Variants in DYNC2I2 observed in about 807,000 individuals in gnomAD.
The protein encoded by DYNC2I2 is dynein 2 intermediate chain 2.
DYNC2I2 carries 39 observed loss-of-function variants against 52.0 expected under a neutral mutation model. The observed-to-expected ratio is 0.75, with a 90% CI of 0.58 to 0.98. The LOEUF is 0.98. Among genes scored for constraint, DYNC2I2 ranks in the 50% least tolerant of loss-of-function variants. The pLI is 0.00. For missense variants in DYNC2I2, 743 were observed against 728.4 expected, an observed-to-expected ratio of 1.02 and a Z score of -0.23; for synonymous variants, 359 against 321.1, an observed-to-expected ratio of 1.12 and a Z score of -1.26.
chr9:128,640,262 G>A (rs979758734), intron 2 of DYNC2I2, among the ~76,000 whole-genome samples: 3 of 151,760 alleles, frequency 2.0e-5, no homozygotes, highest in Non-Finnish European at 4.4e-5. Context: ...CGCCCGCCTC[G>A]GCCTCCCAAA....
At chr9:128,684,242 T>C in the DYNC2I2 span, among the ~76,000 whole-genome samples, 1 of 152,076 alleles carries the variant, frequency 6.6e-6, no homozygotes, top group Non-Finnish European at 1.5e-5. Flanking sequence ...TGAGCTTGTC[T>C]CCCCAGCCCC....
the DYNC2I2 span, chr9:128,684,062 T>A: frequency 1.4e-6 from 2 of 1,393,482 alleles, no homozygotes; most frequent in Non-Finnish European, 9.9e-7. Context: ...AAGGATTGAC[T>A]CTCTGATTTT....
chr9:128,636,680 G>A (rs996050625), intron 3 of DYNC2I2, among the ~76,000 whole-genome samples: 1 of 152,180 alleles, frequency 6.6e-6, no homozygotes, highest in Non-Finnish European at 1.5e-5. Context: ...CAGCTGGTGG[G>A]GCGGGCGAGG....
upstream of DYNC2I2, among the ~76,000 whole-genome samples, chr9:128,658,640 T>C (rs1564347562): frequency 2.0e-5 from 3 of 151,794 alleles, no homozygotes; most frequent in Non-Finnish European, 4.4e-5. Context: ...TTTTTGTATT[T>C]TTAGTAGAGA....
the DYNC2I2 span, among the ~76,000 whole-genome samples, chr9:128,668,803 G>C: frequency 6.7e-6 from 1 of 148,700 alleles, no homozygotes; most frequent in Admixed American, 6.8e-5. Flanking sequence ...AAAACAGAGC[G>C]AGACTCAGTC....
the DYNC2I2 span, among the ~76,000 whole-genome samples, chr9:128,669,222 A>G: frequency 0.017 from 2,554 of 151,970 alleles, 76 homozygotes; most frequent in African/African-American, 0.058. Flanking sequence ...AAAATTAGCC[A>G]GGCGTGGTGG....
intron 4 of DYNC2I2, 50 bp downstream of exon 4, chr9:128,636,231 G>A (rs1281611774): frequency 8.4e-6 from 13 of 1,551,210 alleles, no homozygotes; most frequent in South Asian, 3.6e-5. Flanking sequence ...TCTGCAGGGC[G>A]GGAAGCTGAG....
At chr9:128,670,214 G>A in the DYNC2I2 span, among the ~76,000 whole-genome samples, 5 of 151,996 alleles carry the variant, frequency 3.3e-5, no homozygotes, top group Non-Finnish European at 7.4e-5. Context: ...CCCAAGGGGC[G>A]GATCACCGGA....
the DYNC2I2 span, among the ~76,000 whole-genome samples, chr9:128,680,367 T>TATC: frequency 7.4e-6 from 1 of 135,774 alleles, no homozygotes. Context: ...GGTCAATTAT[T>TATC]ATTATTATTA....
chr9:128,676,649 A>C, the DYNC2I2 span, among the ~76,000 whole-genome samples: 1 of 151,080 alleles, frequency 6.6e-6, no homozygotes, highest in Non-Finnish European at 1.5e-5. Context: ...CTCCTACCCT[A>C]GCCTCCAGAG....
chr9:128,667,909 T>C, the DYNC2I2 span, among the ~76,000 whole-genome samples: 1 of 138,780 alleles, frequency 7.2e-6, no homozygotes, highest in Non-Finnish European at 1.5e-5. Context: ...ATTTTTGTAT[T>C]TGTAGTAGAG....
At chr9:128,640,636 G>C in intron 2 of DYNC2I2, 55 bp downstream of exon 2, 1 of 1,572,660 alleles carries the variant, frequency 6.4e-7, no homozygotes, top group Non-Finnish European at 8.6e-7. Context: ...GAAAACAAGA[G>C]GAGACAGAAG....
At chr9:128,640,655 G>C (rs1280178354) in intron 2 of DYNC2I2, 36 bp downstream of exon 2, 4 of 1,592,636 alleles carry the variant, frequency 2.5e-6, no homozygotes, top group Non-Finnish European at 8.6e-7. Flanking sequence ...AGTGGGGCAG[G>C]GGCTCGACCC....
At chr9:128,670,362 C>T in the DYNC2I2 span, among the ~76,000 whole-genome samples, 1 of 151,832 alleles carries the variant, frequency 6.6e-6, no homozygotes, top group Non-Finnish European at 1.5e-5. Context: ...ATCGCTTGAA[C>T]CTGGGAGGCA....
Position 128,636,862 on chromosome 9 carries a change from C to A in DYNC2I2, c.545+56G>T, listed in dbSNP as rs976142793. 18 of 1,377,070 alleles carry A rather than the reference C, an allele frequency of 1.3e-5. No homozygotes were observed. The Middle Eastern group carries it at 5.9e-4, about 45-fold the overall frequency. 85.3% of individuals were successfully genotyped at this position (1,377,070 alleles called of 1,614,324 possible). On this transcript the variant is annotated intron_variant, in intron 3 of 8. Transcript: ENST00000372715. ...TCCCTGTGCAGCTACAGAGACAAGG[C>A]CCAAGGAGGGTCCTGGGGTGGCGAG...
chr9:128,668,157 CA>C, the DYNC2I2 span, among the ~76,000 whole-genome samples: 1 of 151,764 alleles, frequency 6.6e-6, no homozygotes, highest in African/African-American at 2.4e-5. Flanking sequence ...GACGGGGTTT[CA>C]TCATGTTGGC....
At chr9:128,646,923 G>A (rs1357505211) in intron 1 of DYNC2I2, among the ~76,000 whole-genome samples, 1 of 152,124 alleles carries the variant, frequency 6.6e-6, no homozygotes, top group African/African-American at 2.4e-5. Flanking sequence ...ACAGGAGTTC[G>A]AGACCAACCT....
At chr9:128,647,746 A>G (rs1860642967) in intron 1 of DYNC2I2, among the ~76,000 whole-genome samples, 1 of 151,738 alleles carries the variant, frequency 6.6e-6, no homozygotes, top group East Asian at 1.9e-4. Context: ...AAAAAAAAAA[A>G]AAAAAGCGTT....
chr9:128,635,323 A>AC, intron 5 of DYNC2I2, 64 bp from the exon 6 acceptor site: 1 of 1,517,464 alleles, frequency 6.6e-7, no homozygotes, highest in Non-Finnish European at 8.8e-7. Flanking sequence ...GTCACGCTCC[A>AC]CCCCTACCCT....
Sources: allele counts gnomAD v4.1 joint callset (sites outside exome capture counted in the v4.1 genomes callset), GRCh38; gene constraint gnomAD v4.1.1; transcripts MANE v1.5; gene names NCBI Gene and HGNC (gene_info 2026-07-23, HGNC 2026-07-21).